LRPAP1: variants seen among roughly 807,000 people sequenced by gnomAD.
LRPAP1 encodes the protein alpha-2-macroglobulin receptor-associated protein.
In LRPAP1, 41 loss-of-function variants were observed where a neutral mutation model predicts 39.9. That is an observed-to-expected ratio of 1.03 (90% CI 0.80 to 1.33). The LOEUF (loss-of-function observed/expected upper bound fraction) is 1.33. Ranked by LOEUF, LRPAP1 falls within the 40% of genes most tolerant of loss-of-function variation. The probability of loss-of-function intolerance (pLI) is 0.00; values close to 1 mark genes in which losing one functional copy is unlikely to be tolerated. For synonymous variants in LRPAP1, 263 were observed against 212.7 expected (o/e 1.24, Z -2.06); for missense variants, 565 against 482.3 (o/e 1.17, Z -1.61).
At chr4:3,528,940 C>A (rs76075610) in intron 1 of LRPAP1, among the ~76,000 whole-genome samples, 2,160 of 152,334 alleles carry the variant, frequency 0.014, 20 homozygotes, top group Non-Finnish European at 0.019. Context: ...GGGCTCCTCT[C>A]TGCAGACCTC....
In LRPAP1 at chr4:3,516,115, C is replaced by T; in HGVS notation, c.834+1G>A. 1.9e-6 allele frequency: 3 copies of T among 1,570,440 alleles called. No individual in the cohort carries two copies. The highest frequency in any genetic ancestry group is 2.6e-6 in the Non-Finnish European group (3 of 1,157,210). ...AGAAGGAGAGGGCCGTGTTTCCTTA[C>T]CCGGAACGCCTCCAGCTCCTTGTCC... On this transcript the variant is annotated splice_donor_variant, in intron 6 of 7. Transcript: ENST00000650182. LOFTEE classifies it high-confidence loss of function.
chr4:3,515,957 A>G, intron 6 of LRPAP1, 159 bp downstream of exon 6: 1 of 698,416 alleles, frequency 1.4e-6, no homozygotes, highest in Admixed American at 2.7e-5. Flanking sequence ...CGCAGATGAG[A>G]AGGAAAACGC....
In LRPAP1 at chr4:3,514,860, C is replaced by T. The variant is rs200532799; in HGVS notation, c.903G>A (p.Ala301=). The part of the protein sequence containing the change: ...HNHYQKQLEI[A]HEKLRHAESV... Reference sequence around the variant, plus strand: ...TCTCTGCGTGCCTCAGCTTCTCGTGCGCAATCTCCAGCTGCTTCTGGTAGT... The same window carrying T: ...TCTCTGCGTGCCTCAGCTTCTCGTGTGCAATCTCCAGCTGCTTCTGGTAGT... Residue 301 remains alanine (A), a synonymous_variant, in exon 7 of 8, where the codon GCG becomes GCA. Transcript: ENST00000650182. The T allele has an allele frequency of 9.9e-6, 16 of 1,613,766 alleles. No homozygotes were observed. The highest frequency in any genetic ancestry group is 9.3e-5 in the African/African-American group (7 of 74,948).
At chr4:3,517,828 A>C in intron 5 of LRPAP1, 1 of 534,814 alleles carries the variant, frequency 1.9e-6, no homozygotes, top group Non-Finnish European at 3.1e-6. Flanking sequence ...TCCAGGTACA[A>C]GGCTGGGGAC....
At chr4:3,531,972 C>A in intron 1 of LRPAP1, 1 of 571,800 alleles carries the variant, frequency 1.7e-6, no homozygotes, top group Non-Finnish European at 3.0e-6. Flanking sequence ...CCTCGGGGTG[C>A]CGGCCGCCAC....
intron 2 of LRPAP1, among the ~76,000 whole-genome samples, chr4:3,524,578 G>A (rs774637808): frequency 2.0e-5 from 3 of 152,242 alleles, no homozygotes; most frequent in Admixed American, 6.5e-5. Context: ...CCCGCAGGCT[G>A]TGCCCAATGG....
chr4:3,518,355 G>C (rs1346261002), intron 4 of LRPAP1, among the ~76,000 whole-genome samples, 163 bp from the exon 5 acceptor site: 2 of 145,680 alleles, frequency 1.4e-5, no homozygotes, highest in Non-Finnish European at 3.0e-5. Flanking sequence ...AACGACCGTT[G>C]GCACAGCTTC....
intron 1 of LRPAP1, among the ~76,000 whole-genome samples, chr4:3,531,037 G>A (rs1178527534): frequency 6.6e-6 from 1 of 152,082 alleles, no homozygotes; most frequent in East Asian, 1.9e-4. Context: ...CTGCTGCTGG[G>A]AGGCCATCAA....
chr4:3,504,448 T>C lies in LRPAP1; in HGVS notation c.*8526A>G, dbSNP rs1437552153. On this transcript the variant is annotated 3_prime_UTR_variant, in exon 8 of 8. Coordinates refer to ENST00000650182, the MANE Select transcript of LRPAP1 (RefSeq NM_002337.4). ...GGCCAACATGGTGAAGTCCTGTCTC[T>C]ACTAAAAACAGAAAAATTAGGCCAG... 3 of 151,566 alleles carry C rather than the reference T, an allele frequency of 2.0e-5. No individual in the cohort carries two copies. The highest frequency in any genetic ancestry group is 2.0e-4 in the Admixed American group (3 of 15,232). The allele number at this position is 151,566 out of a possible 1,614,324, so 9.4% of individuals were successfully genotyped here.
intron 2 of LRPAP1, among the ~76,000 whole-genome samples, chr4:3,522,309 C>G (rs1263629609): frequency 6.6e-6 from 1 of 152,254 alleles, no homozygotes; most frequent in African/African-American, 2.4e-5. Context: ...AGCCAGAGCC[C>G]AAAGTGGCTG....
chr4:3,522,226 G>A (rs988506288), intron 2 of LRPAP1, among the ~76,000 whole-genome samples: 5 of 152,218 alleles, frequency 3.3e-5, no homozygotes, highest in African/African-American at 4.8e-5. Flanking sequence ...GGGGAGACGG[G>A]GAGGGTGGGC....
rs1208054340 is a variant in LRPAP1, at chr4:3,512,740, G to A, written c.*234C>T. The A allele has an allele frequency of 1.8e-5, 10 of 543,184 alleles. No homozygotes were observed. Among genetic ancestry groups the A allele is most frequent in the Non-Finnish European group, 3.0e-5 (9 of 304,940 alleles). 33.6% of individuals were successfully genotyped at this position (543,184 alleles called of 1,614,324 possible). On this transcript the variant is annotated 3_prime_UTR_variant, in exon 8 of 8. Transcript: ENST00000650182. ...GGTGACTGCCACGCTGATGCTGAGT[G>A]GAAGCCAAGCCCCTTCAGTCAGAGC...
Position 3,512,834 on chromosome 4 carries a change from C to A in LRPAP1, c.*140G>T, listed in dbSNP as rs1029864675. 6 of 686,206 alleles carry A rather than the reference C, an allele frequency of 8.7e-6. No individual in the cohort carries two copies. The South Asian group carries it at 1.1e-4, about 13-fold the overall frequency. The allele number at this position is 686,206 out of a possible 1,614,324, so 42.5% of individuals were successfully genotyped here. A position where few individuals can be genotyped will look rare whatever the true frequency, so the allele number is the denominator to read the frequency against. On this transcript the variant is annotated 3_prime_UTR_variant, in exon 8 of 8. Coordinates refer to ENST00000650182, the MANE Select transcript of LRPAP1 (RefSeq NM_002337.4). The stretch of plus-strand genomic sequence containing the variant: ...GTCGCGACGGCAGCGGCTGCAGTCA[C>A]CAGAAACAATCCTTCCTGCCTCGAC...
In LRPAP1 at chr4:3,505,471, T is replaced by C. The variant is rs879705832; in HGVS notation, c.*7503A>G. ...AAGCATGACTCCGAGCGGCACTTCT[T>C]CCACACCGCGCAGCTGCCTGTGCCT... On this transcript the variant is annotated 3_prime_UTR_variant, in exon 8 of 8. Coordinates refer to ENST00000650182, the MANE Select transcript of LRPAP1 (RefSeq NM_002337.4). Among the ~76,000 whole-genome samples, 2 of 152,152 alleles carry C rather than the reference T, an allele frequency of 1.3e-5. No individual in the cohort carries two copies. Among genetic ancestry groups the C allele is most frequent in the Non-Finnish European group, 2.9e-5 (2 of 68,018 alleles).
chr4:3,531,586 G>T (rs528841000), intron 1 of LRPAP1, among the ~76,000 whole-genome samples: 30 of 152,210 alleles, frequency 2.0e-4, no homozygotes, highest in Non-Finnish European at 3.7e-4. Context: ...CACCGGCCGA[G>T]CCACCTTGGG....
chr4:3,511,231 G>GGCCCCC lies in LRPAP1; in HGVS notation c.*1737_*1742dup, dbSNP rs1345250662. The GGCCCCC allele has an allele frequency of 2.6e-5, 4 of 152,132 alleles. No homozygotes were observed. The highest frequency in any genetic ancestry group is 2.9e-5 in the Non-Finnish European group (2 of 68,032). The allele number at this position is 152,132 out of a possible 1,614,324, so 9.4% of individuals were successfully genotyped here. ...AGATCCATTAGGTGCTCCTAGAGTTGGCCCCCACCCCCACCCCCACACGAG... is the reference window on the plus strand; with the variant it reads ...AGATCCATTAGGTGCTCCTAGAGTTGGCCCCCGCCCCCACCCCCACCCCCACACGAG... On this transcript the variant is annotated 3_prime_UTR_variant, in exon 8 of 8. Transcript: ENST00000650182.
At position 3,522,016 on chromosome 4, in the gene LRPAP1, G is replaced by C. The variant is rs149243624; in HGVS notation, c.350-1823C>G. Among the ~76,000 whole-genome samples, 13 of 152,358 alleles carry C rather than the reference G, an allele frequency of 8.5e-5. No homozygotes were observed. The East Asian group carries it at 2.3e-3, about 27-fold the overall frequency. ...ATAAATAATACCGGCTGTGGGGGATGAGAAAATAAATGAAATAAATACATA... is the reference window on the plus strand; with the variant it reads ...ATAAATAATACCGGCTGTGGGGGATCAGAAAATAAATGAAATAAATACATA... On this transcript the variant is annotated intron_variant, in intron 2 of 7. Transcript: ENST00000650182.
intron 2 of LRPAP1, 130 bp downstream of exon 2, chr4:3,524,777 G>T: frequency 3.8e-6 from 4 of 1,059,248 alleles, no homozygotes; most frequent in Non-Finnish European, 5.7e-6. Context: ...GGCTCATTTT[G>T]GATATCCAGA....
At chr4:3,528,023 T>C (rs1464186973) in intron 1 of LRPAP1, among the ~76,000 whole-genome samples, 1 of 152,164 alleles carries the variant, frequency 6.6e-6, no homozygotes, top group African/African-American at 2.4e-5. Context: ...GATGTGTGGC[T>C]GCCAGTGCTC....
Sources: gnomAD v4.1 joint callset for allele counts (sites outside exome capture counted in the v4.1 genomes callset) on GRCh38, gnomAD v4.1.1 for gene constraint, MANE v1.5 for transcripts, NCBI Gene and HGNC (gene_info 2026-07-23, HGNC 2026-07-21) for gene names.